PPP2R2C: variants seen among roughly 807,000 people sequenced by gnomAD.
PPP2R2C encodes protein phosphatase 2 regulatory subunit Bgamma.
Under a neutral mutation model 45.3 loss-of-function variants are expected in PPP2R2C, and 10 were observed. That is an observed-to-expected ratio of 0.22 (90% confidence interval 0.14 to 0.37). The LOEUF is 0.37. Ranked by LOEUF, PPP2R2C falls within the 10% of genes least tolerant of loss-of-function variation. PPP2R2C has a pLI of 1.00. For synonymous variants in PPP2R2C, 257 were observed against 245.4 expected, an observed-to-expected ratio of 1.05 and a Z score of -0.44; for missense variants, 308 against 619.7, an observed-to-expected ratio of 0.50 and a Z score of 5.34.
At chr4:6,492,661 G>A (rs940434263) in intron 2 of PPP2R2C, among the ~76,000 whole-genome samples, 12 of 152,174 alleles carry the variant, frequency 7.9e-5, no homozygotes, top group Admixed American at 7.2e-4. Flanking sequence ...GCAGGGACTC[G>A]AATGATGTGC....
chr4:6,339,586 G>A (rs908038396), intron 6 of PPP2R2C, among the ~76,000 whole-genome samples: 2 of 152,258 alleles, frequency 1.3e-5, no homozygotes, highest in African/African-American at 4.8e-5. Context: ...CTGGGGCTGG[G>A]GTGGAGGCCG....
rs1228608174 is a variant in PPP2R2C at position 6,329,464 on chromosome 4, G to C, written c.961-111C>G. ...GGTCTGCATGCCCTGACATGGCCCA[G>C]CGCAGACCTGCTCATCTCAGCGAGG... On this transcript the variant is annotated intron_variant, in intron 7 of 8. Transcript: ENST00000382599. The surrounding 1 kb of genome is among the most constrained non-coding windows in gnomAD (Gnocchi z 5.8). 3 of 852,804 alleles carry C rather than the reference G, an allele frequency of 3.5e-6. No individual in the cohort carries two copies. Among genetic ancestry groups the C allele is most frequent in the African/African-American group, 1.7e-5 (1 of 60,382 alleles). The allele number at this position is 852,804 out of a possible 1,614,324, so 52.8% of individuals were successfully genotyped here. A position where few individuals can be genotyped will look rare whatever the true frequency, so the allele number is the denominator to read the frequency against.
At chr4:6,520,945 G>T (rs1723999206) in intron 2 of PPP2R2C, among the ~76,000 whole-genome samples, 1 of 152,036 alleles carries the variant, frequency 6.6e-6, no homozygotes, top group African/African-American at 2.4e-5. Context: ...TTTGTCCATT[G>T]TTCTTGTTAA....
intron 5 of PPP2R2C, among the ~76,000 whole-genome samples, chr4:6,361,458 C>T (rs946466312): frequency 6.6e-6 from 1 of 152,236 alleles, no homozygotes; most frequent in Non-Finnish European, 1.5e-5. Flanking sequence ...GAAAACTCAG[C>T]CTTTCTGTGC....
At chr4:6,334,994 C>G (rs1732733336) in intron 6 of PPP2R2C, among the ~76,000 whole-genome samples, 3 of 152,216 alleles carry the variant, frequency 2.0e-5, no homozygotes, top group Admixed American at 2.0e-4. Context: ...GACACTGTAC[C>G]TGGCCACTGC....
chr4:6,399,510 C>T lies in PPP2R2C; in HGVS notation c.71-18416G>A, dbSNP rs111826233. 4.7e-3 allele frequency among the ~76,000 whole-genome samples: 713 copies of T among 152,348 alleles called. 5 individuals carry two copies. Among genetic ancestry groups the T allele is most frequent in the African/African-American group, 0.016 (672 of 41,576 alleles). On this transcript the variant is annotated intron_variant, in intron 1 of 8. Coordinates refer to ENST00000382599, the MANE Select transcript of PPP2R2C (RefSeq NM_020416.4). ...TCCAAGGTGGTCTGATCCACCCTAG[C>T]TTTGGCATGAGAAATGAGTCGTGCC...
At chr4:6,390,334 C>G (rs2109331192) in intron 1 of PPP2R2C, among the ~76,000 whole-genome samples, 1 of 152,282 alleles carries the variant, frequency 6.6e-6, no homozygotes, top group East Asian at 1.9e-4. Context: ...CAGGAGACAG[C>G]TCTACAGGAA....
At chr4:6,387,581 C>G (rs1351854817) in intron 1 of PPP2R2C, among the ~76,000 whole-genome samples, 1 of 152,066 alleles carries the variant, frequency 6.6e-6, no homozygotes, top group East Asian at 1.9e-4. Context: ...GAGTCCAAGC[C>G]GGGTGGATCA....
At chr4:6,432,432 G>A (rs1162372133) in intron 1 of PPP2R2C, among the ~76,000 whole-genome samples, 5 of 152,134 alleles carry the variant, frequency 3.3e-5, no homozygotes, top group Non-Finnish European at 5.9e-5. Context: ...GGACCGTCGG[G>A]ACCCAGCGCC....
At chr4:6,487,740 G>A (rs866738363) in intron 2 of PPP2R2C, among the ~76,000 whole-genome samples, 4 of 152,006 alleles carry the variant, frequency 2.6e-5, no homozygotes, top group Non-Finnish European at 4.4e-5. Context: ...TCTTGTATCT[G>A]TGGGTGTACC....
intron 5 of PPP2R2C, among the ~76,000 whole-genome samples, chr4:6,348,370 G>A (rs1346121085): frequency 1.3e-5 from 2 of 151,674 alleles, no homozygotes; most frequent in African/African-American, 4.8e-5. Flanking sequence ...CCTGTTGGTT[G>A]CCAAGCAGAA....
chr4:6,382,953 C>T, intron 1 of PPP2R2C: 2 of 1,076,160 alleles, frequency 1.9e-6, no homozygotes, highest in Non-Finnish European at 2.3e-6. Context: ...TAAAGGCAGC[C>T]CCCACCTGCC....
intron 2 of PPP2R2C, among the ~76,000 whole-genome samples, chr4:6,530,097 G>T (rs1246218693): frequency 6.6e-6 from 1 of 152,150 alleles, no homozygotes; most frequent in Non-Finnish European, 1.5e-5. Context: ...CCCCAGGAAA[G>T]CAACAAGAGT....
At chr4:6,531,194 C>T (rs1724386141) in intron 2 of PPP2R2C, among the ~76,000 whole-genome samples, 4 of 152,216 alleles carry the variant, frequency 2.6e-5, no homozygotes, top group Admixed American at 2.6e-4. Context: ...CTCTCCAGGG[C>T]AGTGTCCTTC....
At chr4:6,551,437 A>G (rs973751705) in intron 1 of PPP2R2C, among the ~76,000 whole-genome samples, 2 of 152,188 alleles carry the variant, frequency 1.3e-5, no homozygotes, top group African/African-American at 2.4e-5. Flanking sequence ...GAGAAAATAA[A>G]ACTAGAGGTA....
chr4:6,496,862 AAAAT>A lies in PPP2R2C; in HGVS notation c.49+38405_49+38408del, dbSNP rs58136718. Among the ~76,000 whole-genome samples, 1,252 of 139,016 alleles carry A rather than the reference AAAAT, an allele frequency of 9.0e-3. 9 individuals carry two copies. Among genetic ancestry groups the A allele is most frequent in the African/African-American group, 0.021 (789 of 37,088 alleles). 91.2% of individuals were successfully genotyped at this position (139,016 alleles called of 152,430 possible). Reference sequence around the variant, plus strand: ...GGCAACAAGAGCAAAACTCCATCTCAAAATAAATAAATAAATAAATAAATAAATA... The same window carrying A: ...GGCAACAAGAGCAAAACTCCATCTCAAAATAAATAAATAAATAAATAAATA... On this transcript the variant is annotated intron_variant, in intron 2 of 9. Coordinates refer to the PPP2R2C transcript ENST00000506140.
At chr4:6,341,997 A>G (rs765250862) in intron 6 of PPP2R2C, among the ~76,000 whole-genome samples, 1 of 151,852 alleles carries the variant, frequency 6.6e-6, no homozygotes, top group African/African-American at 2.4e-5. Context: ...TGACCCTCAC[A>G]CAACACAGGC....
intron 1 of PPP2R2C, among the ~76,000 whole-genome samples, chr4:6,417,448 C>T (rs1398985381): frequency 6.6e-6 from 1 of 152,216 alleles, no homozygotes; most frequent in African/African-American, 2.4e-5. Context: ...GCCTCCCTCT[C>T]TGTGACCTCA....
chr4:6,493,708 CACGGAG>C (rs979040443), intron 2 of PPP2R2C, among the ~76,000 whole-genome samples: 3 of 152,206 alleles, frequency 2.0e-5, no homozygotes, highest in African/African-American at 7.2e-5. Flanking sequence ...GGACGGCAGA[CACGGAG>C]GGGTGGACCT....
Sources: allele counts gnomAD v4.1 joint callset (sites outside exome capture counted in the v4.1 genomes callset), GRCh38; gene constraint gnomAD v4.1.1; non-coding constraint Gnocchi (gnomAD v3.1); transcripts MANE v1.5; gene names NCBI Gene and HGNC (gene_info 2026-07-23, HGNC 2026-07-21).